Variants in TMTC2 observed in about 807,000 individuals in gnomAD.
TMTC2 encodes transmembrane O-mannosyltransferase targeting cadherins 2, also known as protein O-mannosyl-transferase TMTC2.
TMTC2 carries 43 observed loss-of-function variants against 82.4 expected under a neutral mutation model. That is an observed-to-expected ratio of 0.52 (90% CI 0.41 to 0.67). The LOEUF is 0.67. Among genes scored for constraint, TMTC2 ranks in the 30% least tolerant of loss-of-function variants. The pLI, the probability that TMTC2 is intolerant of heterozygous loss-of-function variation, is 0.00. For missense variants in TMTC2, 919 were observed against 1,012.4 expected (o/e 0.91, Z 1.25); for synonymous variants, 408 against 381.9 (o/e 1.07, Z -0.80).
intron 4 of TMTC2, among the ~76,000 whole-genome samples, chr12:82,934,673 C>T (rs1876221550): frequency 6.6e-6 from 1 of 152,084 alleles, no homozygotes; most frequent in South Asian, 2.1e-4. Flanking sequence ...ATTGTGAACA[C>T]TGCTGCAATA....
intron 1 of TMTC2, among the ~76,000 whole-genome samples, chr12:82,816,841 A>G (rs1382002679): frequency 6.6e-6 from 1 of 152,316 alleles, no homozygotes; most frequent in East Asian, 1.9e-4. Flanking sequence ...TGTGTAAGCA[A>G]ATAAAATTTC....
chr12:83,064,518 A>C (rs146462607), intron 11 of TMTC2, among the ~76,000 whole-genome samples: 3 of 151,934 alleles, frequency 2.0e-5, no homozygotes, highest in Non-Finnish European at 2.9e-5. Flanking sequence ...GGATCAACAG[A>C]TGTGGTTTTT....
At chr12:82,881,862 T>C (rs1187356907) in intron 2 of TMTC2, among the ~76,000 whole-genome samples, 3 of 152,312 alleles carry the variant, frequency 2.0e-5, no homozygotes, top group Middle Eastern at 3.4e-3. Context: ...ACTATTTTAC[T>C]TTTCAAGAAG....
intron 4 of TMTC2, 45 bp from the exon 5 acceptor site, chr12:82,964,979 A>G: frequency 7.1e-7 from 1 of 1,411,508 alleles, no homozygotes; most frequent in Non-Finnish European, 9.8e-7. Flanking sequence ...GGTTTTATAT[A>G]TAATAATACA....
intron 1 of TMTC2, among the ~76,000 whole-genome samples, chr12:82,764,444 C>CT (rs1039870382): frequency 7.9e-5 from 12 of 151,872 alleles, no homozygotes; most frequent in Non-Finnish European, 1.5e-4. Flanking sequence ...GGCCTATACA[C>CT]TTTTTTTTAA....
At chr12:82,691,241 T>G (rs2136882900) in intron 1 of TMTC2, among the ~76,000 whole-genome samples, 1 of 152,332 alleles carries the variant, frequency 6.6e-6, no homozygotes, top group East Asian at 1.9e-4. Flanking sequence ...GAAAATTTAT[T>G]TTCTTATTGC....
chr12:82,876,122 T>TGATGATGATGATGGTG (rs1872544085), intron 2 of TMTC2, among the ~76,000 whole-genome samples: 10 of 143,544 alleles, frequency 7.0e-5, no homozygotes, highest in African/African-American at 2.7e-4. Flanking sequence ...GTGGTGGTGG[T>TGATGATGATGATGGTG]ATTAGTAATG....
chr12:82,716,563 C>T (rs895771353), intron 1 of TMTC2, among the ~76,000 whole-genome samples: 5 of 151,948 alleles, frequency 3.3e-5, no homozygotes, highest in Admixed American at 6.6e-5. Flanking sequence ...GGGGTTTCAC[C>T]GTGTTAGCCA....
chr12:82,809,986 A>C (rs2137048059), intron 1 of TMTC2, among the ~76,000 whole-genome samples: 1 of 152,210 alleles, frequency 6.6e-6, no homozygotes, highest in South Asian at 2.1e-4. Context: ...ATATCATCTT[A>C]ATCTCTTCAT....
intron 11 of TMTC2, among the ~76,000 whole-genome samples, chr12:83,073,371 C>G (rs1883181781): frequency 6.6e-6 from 1 of 152,158 alleles, no homozygotes; most frequent in Non-Finnish European, 1.5e-5. Context: ...AGCTTTCCTT[C>G]ATAGGTTACC....
chr12:82,966,988 A>G lies in TMTC2; in HGVS notation c.1939A>G (p.Asn647Asp), dbSNP rs750977519. ...GCAGTTTGCCCCACAGAGCTTGTAC[A>G]ACATGATGGGTAAGTAAAACATTAA... ...PRQFAPQSLY[N>D]MMGEAYMRLS... The change falls in exon 7 of 12, where the codon AAC (asparagine) becomes GAC (aspartate). Residue 647 changes from asparagine (N) to aspartate (D), a missense_variant. By Grantham distance (23) the Asn-to-Asp change is conservative (BLOSUM62 1). Coordinates refer to ENST00000321196, the MANE Select transcript of TMTC2 (RefSeq NM_152588.3). The G allele has an allele frequency of 6.2e-7, 1 of 1,612,736 alleles. No individual in the cohort carries two copies. Among genetic ancestry groups the G allele is most frequent in the Non-Finnish European group, 8.5e-7 (1 of 1,178,976 alleles).
chr12:82,903,830 A>G (rs775882303), intron 3 of TMTC2, among the ~76,000 whole-genome samples: 5 of 152,224 alleles, frequency 3.3e-5, no homozygotes, highest in Non-Finnish European at 5.9e-5. Context: ...CCTTCTCTTT[A>G]AGGAGTTCAT....
chr12:82,862,042 T>G (rs1181437134), intron 2 of TMTC2, among the ~76,000 whole-genome samples: 1 of 152,200 alleles, frequency 6.6e-6, no homozygotes, highest in African/African-American at 2.4e-5. Flanking sequence ...AAGGTAGGGT[T>G]GGAAGACATG....
chr12:82,994,519 G>A (rs1274875846), intron 8 of TMTC2, among the ~76,000 whole-genome samples: 1 of 151,958 alleles, frequency 6.6e-6, no homozygotes, highest in Non-Finnish European at 1.5e-5. Context: ...TAAATAGCCA[G>A]CTGGTTCAAG....
intron 10 of TMTC2, among the ~76,000 whole-genome samples, chr12:83,055,048 T>C (rs190425198): frequency 3.9e-5 from 6 of 152,126 alleles, no homozygotes; most frequent in Admixed American, 1.3e-4. Context: ...CAGAATTCCC[T>C]TGGGCTCAGC....
At chr12:83,088,048 T>C (rs1339912722) in intron 11 of TMTC2, among the ~76,000 whole-genome samples, 1 of 152,246 alleles carries the variant, frequency 6.6e-6, no homozygotes, top group Non-Finnish European at 1.5e-5. Context: ...TATCCATCAA[T>C]GATCTTAGCT....
At position 82,962,780 on chromosome 12, in the gene TMTC2, T is replaced by G. The variant is rs182164998; in HGVS notation, c.1599-2244T>G. Among the ~76,000 whole-genome samples, 155 of 152,124 alleles carry G rather than the reference T, an allele frequency of 1.0e-3. 1 individual carries two copies. The highest frequency in any genetic ancestry group is 9.0e-3 in the Admixed American group (138 of 15,250). ...GTACATGAGCCACATTTATGCATTA[T>G]GTCATGCAGAGACTGTAGTTATCCA... On this transcript the variant is annotated intron_variant, in intron 4 of 11. Transcript: ENST00000321196.
chr12:82,872,703 T>C (rs1872264820), intron 2 of TMTC2, among the ~76,000 whole-genome samples: 1 of 152,196 alleles, frequency 6.6e-6, no homozygotes, highest in Admixed American at 6.6e-5. Context: ...ATGTGTCTAA[T>C]GGTGTCCTAA....
intron 1 of TMTC2, among the ~76,000 whole-genome samples, chr12:82,761,677 G>T (rs1224424282): frequency 6.6e-6 from 1 of 152,120 alleles, no homozygotes; most frequent in African/African-American, 2.4e-5. Flanking sequence ...CTGCTTGGCA[G>T]AAGTGACCTC....
Sources: allele counts gnomAD v4.1 joint callset (sites outside exome capture counted in the v4.1 genomes callset), GRCh38; gene constraint gnomAD v4.1.1; transcripts MANE v1.5; gene names NCBI Gene and HGNC (gene_info 2026-07-23, HGNC 2026-07-21).